Variants in FGFR2 observed in about 807,000 individuals in gnomAD.
FGFR2 encodes the protein fibroblast growth factor receptor 2.
FGFR2 carries 19 observed loss-of-function variants against 95.9 expected under a neutral mutation model. That is an observed-to-expected ratio of 0.20 (90% CI 0.14 to 0.29). The LOEUF is 0.29. FGFR2 is among the 10% of genes least tolerant of loss of function. The pLI is 1.00. For missense variants in FGFR2, 707 were observed against 1,056.9 expected, an observed-to-expected ratio of 0.67 and a Z score of 4.59; for synonymous variants, 392 against 393.3, an observed-to-expected ratio of 1.00 and a Z score of 0.04.
At chr10:121,483,934 T>G (rs1263148588) in intron 16 of FGFR2, 131 bp from the exon 17 acceptor site, 12 of 696,010 alleles carry the variant, frequency 1.7e-5, no homozygotes, top group African/African-American at 1.6e-4. Context: ...GCAACTAGAT[T>G]AGGGGGTCAT....
chr10:121,483,802 A>G lies in FGFR2; in HGVS notation c.2197T>C (p.Tyr733His). 6.2e-7 allele frequency: 1 copy of G among 1,611,670 alleles called. No individual in the cohort carries two copies. The highest frequency in any genetic ancestry group is 8.5e-7 in the Non-Finnish European group (1 of 1,178,342). ...TGCCAACAGTCCCTCATCATCATGT[A>G]CCTGGGAAAAATGGATTTCCTTGAA... ...DKPANCTNELYMMMRDCWHAV... is the reference protein window; with the variant it reads ...DKPANCTNELHMMMRDCWHAV... Residue 733 changes from tyrosine (Y) to histidine (H), a missense_variant and splice_region_variant, in exon 17 of 18, where the codon TAC becomes CAC. Physicochemically the swap from Tyr to His is moderately conservative, Grantham distance 83 (BLOSUM62 2). This residue lies in a region of FGFR2 where 104 missense variants were observed against 214.2 expected (regional missense o/e 0.49). Coordinates refer to ENST00000358487, the MANE Select transcript of FGFR2 (RefSeq NM_000141.5).
chr10:121,566,348 G>A (rs1857670644), intron 2 of FGFR2, among the ~76,000 whole-genome samples: 1 of 152,136 alleles, frequency 6.6e-6, no homozygotes, highest in South Asian at 2.1e-4. Context: ...AATGATAAAA[G>A]CCTAGAGGCC....
intron 2 of FGFR2, among the ~76,000 whole-genome samples, chr10:121,579,126 T>C (rs1490994080): frequency 1.3e-5 from 2 of 152,200 alleles, no homozygotes; most frequent in East Asian, 3.9e-4. Context: ...CTCAGAGTCA[T>C]GCTTTAGAGA....
intron 9 of FGFR2, among the ~76,000 whole-genome samples, chr10:121,505,492 C>A (rs961740389): frequency 1.3e-5 from 2 of 152,120 alleles, no homozygotes; most frequent in African/African-American, 2.4e-5. Flanking sequence ...GTTTTAAAAG[C>A]GGGAACTAAA....
At chr10:121,588,816 A>T (rs1423486964) in intron 2 of FGFR2, among the ~76,000 whole-genome samples, 1 of 152,124 alleles carries the variant, frequency 6.6e-6, no homozygotes, top group Non-Finnish European at 1.5e-5. Flanking sequence ...CCTTCAGCCC[A>T]GGAGTCCGAG....
intron 2 of FGFR2, among the ~76,000 whole-genome samples, chr10:121,567,903 G>A (rs1467180304): frequency 6.6e-6 from 1 of 152,188 alleles, no homozygotes; most frequent in African/African-American, 2.4e-5. Context: ...TTCAATCCCT[G>A]TTGTATAAGA....
At chr10:121,487,567 AG>A (rs1845582841) in intron 14 of FGFR2, 143 bp from the exon 15 acceptor site, 1 of 724,266 alleles carries the variant, frequency 1.4e-6, no homozygotes, top group African/African-American at 1.8e-5. Flanking sequence ...AGTCCCAATG[AG>A]GACCATGAAC....
Position 121,487,336 on chromosome 10 carries a change from GAA to G in FGFR2, c.2057+16_2057+17del, listed in dbSNP as rs1337456387. On this transcript the variant is annotated intron_variant, in intron 15 of 17. Coordinates refer to ENST00000358487, the MANE Select transcript of FGFR2 (RefSeq NM_000141.5). Reference sequence around the variant, plus strand: ...AGCTCAAGCCCAGGAAAAAGCCAGAGAAAAGAGAGTTACTCACACATCACTCT... The same window carrying G: ...AGCTCAAGCCCAGGAAAAAGCCAGAGAAGAGAGTTACTCACACATCACTCT... 1 of 1,605,804 alleles carries G rather than the reference GAA, an allele frequency of 6.2e-7. No individual in the cohort carries two copies. Among genetic ancestry groups the G allele is most frequent in the East Asian group, 2.2e-5 (1 of 44,854 alleles).
chr10:121,555,031 G>A (rs1855936326), intron 4 of FGFR2, among the ~76,000 whole-genome samples: 1 of 152,176 alleles, frequency 6.6e-6, no homozygotes, highest in Non-Finnish European at 1.5e-5. Context: ...GATCAGCCTT[G>A]TCCATAGTAG....
Position 121,478,733 on chromosome 10 carries a change from G to A in FGFR2, c.*1124C>T, listed in dbSNP as rs1844315473. 1 of 233,524 alleles carries A rather than the reference G, an allele frequency of 4.3e-6. No individual in the cohort carries two copies. Among genetic ancestry groups the A allele is most frequent in the Non-Finnish European group, 8.5e-6 (1 of 118,032 alleles). The allele number at this position is 233,524 out of a possible 1,614,324, so 14.5% of individuals were successfully genotyped here. ...CCTAACAGGCGTCTCCAACGCCAAA[G>A]AGTCTGGAAGCCATTATCAAAATTC... On this transcript the variant is annotated 3_prime_UTR_variant, in exon 18 of 18. Transcript: ENST00000358487.
rs1844377054 is a variant in FGFR2, at chr10:121,479,351, T to TA, written c.*505dup. ...AGAACAGCATTTAGCAAATAGCTAT[T>TA]AAAAAAAGAGAGACCAATTTTCTAG... is the stretch of plus-strand genomic sequence containing the variant. On this transcript the variant is annotated 3_prime_UTR_variant, in exon 18 of 18. Transcript: ENST00000358487. The TA allele has an allele frequency of 2.1e-5, 6 of 288,490 alleles. No individual in the cohort carries two copies. In the Admixed American group the frequency reaches 2.5e-4, roughly 12 times the overall value. 17.9% of individuals were successfully genotyped at this position (288,490 alleles called of 1,614,324 possible).
chr10:121,479,705 C>A lies in FGFR2; in HGVS notation c.*152G>T. On this transcript the variant is annotated 3_prime_UTR_variant, in exon 18 of 18. Coordinates refer to ENST00000358487, the MANE Select transcript of FGFR2 (RefSeq NM_000141.5). Reference sequence around the variant, plus strand: ...ATTACAAGTTTTCAACTGTATAAATCTTTACACATATGCTGATTACTTTTC... The same window carrying A: ...ATTACAAGTTTTCAACTGTATAAATATTTACACATATGCTGATTACTTTTC... The A allele has an allele frequency of 6.3e-7, 1 of 1,589,446 alleles. No individual in the cohort carries two copies. Among genetic ancestry groups the A allele is most frequent in the South Asian group, 1.1e-5 (1 of 88,412 alleles).
intron 5 of FGFR2, among the ~76,000 whole-genome samples, chr10:121,541,064 G>A (rs1195826708): frequency 6.6e-6 from 1 of 152,072 alleles, no homozygotes; most frequent in African/African-American, 2.4e-5. Flanking sequence ...CCCTCTTCAA[G>A]AGCACGTGCT....
At chr10:121,503,737 C>A (rs2134050616) in intron 10 of FGFR2, 53 bp downstream of exon 10, 1 of 1,592,902 alleles carries the variant, frequency 6.3e-7, no homozygotes, top group Admixed American at 1.7e-5. Context: ...AATCCAATAT[C>A]CCCATTTATA....
chr10:121,540,918 G>T (rs1225892485), intron 5 of FGFR2, among the ~76,000 whole-genome samples: 1 of 152,114 alleles, frequency 6.6e-6, no homozygotes, highest in African/African-American at 2.4e-5. Context: ...AACTGCACAG[G>T]GAGGGGACAT....
At chr10:121,542,857 T>C (rs958951159) in intron 5 of FGFR2, among the ~76,000 whole-genome samples, 9 of 152,186 alleles carry the variant, frequency 5.9e-5, no homozygotes, top group African/African-American at 1.7e-4. Flanking sequence ...ACTGGGAATG[T>C]AGATTTAGTT....
chr10:121,491,964 A>G (rs887616292), intron 13 of FGFR2, among the ~76,000 whole-genome samples: 1 of 151,536 alleles, frequency 6.6e-6, no homozygotes, highest in African/African-American at 2.4e-5. Flanking sequence ...AGATCACTTG[A>G]GGTCAGGAGT....
At chr10:121,498,859 A>G (rs113465972) in intron 11 of FGFR2, among the ~76,000 whole-genome samples, 4 of 152,342 alleles carry the variant, frequency 2.6e-5, no homozygotes, top group African/African-American at 9.6e-5. Context: ...GGCTTCTGAC[A>G]CTAATGCCAA....
intron 2 of FGFR2, among the ~76,000 whole-genome samples, chr10:121,573,190 AAC>A (rs1457923609): frequency 2.0e-5 from 3 of 152,220 alleles, no homozygotes; most frequent in Non-Finnish European, 4.4e-5. Context: ...CCCAAATGCA[AAC>A]AGAGAACAGA....
Sources: gnomAD v4.1 joint callset for allele counts (sites outside exome capture counted in the v4.1 genomes callset) on GRCh38, gnomAD v4.1.1 for gene constraint, gnomAD v4.1.1 regional missense constraint, MANE v1.5 for transcripts, NCBI Gene and HGNC (gene_info 2026-07-23, HGNC 2026-07-21) for gene names.